Variants in ACYP2 observed in about 807,000 individuals in gnomAD.
The protein encoded by ACYP2 is acylphosphatase 2.
In ACYP2, 12 loss-of-function variants were observed where a neutral mutation model predicts 11.2. The observed-to-expected ratio is 1.08, with a 90% confidence interval of 0.69 to 1.74. The LOEUF is 1.74. ACYP2 is among the 40% of genes most tolerant of loss of function. The pLI, the probability that ACYP2 is intolerant of heterozygous loss-of-function variation, is 0.00. For synonymous variants in ACYP2, 43 were observed against 32.2 expected (o/e 1.33, Z -1.13); for missense variants, 134 against 101.9 (o/e 1.31, Z -1.35).
At chr2:54,126,479 C>T (rs1680513497) in intron 4 of ACYP2, among the ~76,000 whole-genome samples, 1 of 149,084 alleles carries the variant, frequency 6.7e-6, no homozygotes, top group Non-Finnish European at 1.5e-5. Flanking sequence ...TTATCTTTCA[C>T]AAATGTACGT....
At chr2:54,138,311 C>T (rs569925542) in intron 5 of ACYP2, among the ~76,000 whole-genome samples, 1 of 152,218 alleles carries the variant, frequency 6.6e-6, no homozygotes, top group South Asian at 2.1e-4. Context: ...TTAGTGTTAG[C>T]AGTCTTAAGG....
intron 2 of ACYP2, among the ~76,000 whole-genome samples, chr2:54,007,200 G>A (rs1452368183): frequency 3.6e-5 from 5 of 139,318 alleles, no homozygotes; most frequent in African/African-American, 1.0e-4. Context: ...AAGAAACTAC[G>A]CCTACATTTT....
chr2:53,974,771 T>G (rs1334857535), intron 2 of ACYP2, among the ~76,000 whole-genome samples: 1 of 152,236 alleles, frequency 6.6e-6, no homozygotes, highest in Non-Finnish European at 1.5e-5. Flanking sequence ...ATTGAGCATT[T>G]CTGTCTGCCA....
intron 6 of ACYP2, among the ~76,000 whole-genome samples, chr2:54,162,423 T>G (rs1682760691): frequency 6.6e-6 from 1 of 152,198 alleles, no homozygotes. Context: ...CTATTGGAAG[T>G]GCACTTGGAG....
intron 4 of ACYP2, among the ~76,000 whole-genome samples, chr2:54,090,165 C>G (rs994303863): frequency 5.3e-5 from 8 of 151,830 alleles, no homozygotes; most frequent in Admixed American, 1.3e-4. Context: ...AAAAGTTTGC[C>G]CATGTGTTCT....
intron 2 of ACYP2, among the ~76,000 whole-genome samples, chr2:53,989,761 T>G (rs2071100100): frequency 6.6e-6 from 1 of 152,192 alleles, no homozygotes. Context: ...AGCTCTAGTA[T>G]TAGCAGTTTG....
chr2:54,206,876 T>G lies in ACYP2; in HGVS notation c.404+68128T>G, dbSNP rs903401692. ...GGCTTTTTGAGTGATTTGAAAACTTTGTAAATTTGATGGTAGCCAATGTTT... is the reference window on the plus strand; with the variant it reads ...GGCTTTTTGAGTGATTTGAAAACTTGGTAAATTTGATGGTAGCCAATGTTT... On this transcript the variant is annotated intron_variant, in intron 6 of 6. Coordinates refer to ENST00000607452, the MANE Select transcript of ACYP2 (RefSeq NM_001320586.2). Among the ~76,000 whole-genome samples the G allele has an allele frequency of 2.6e-5, 4 of 152,220 alleles. No individual in the cohort carries two copies. In the South Asian group the frequency reaches 8.3e-4, roughly 31 times the overall value.
intron 6 of ACYP2, among the ~76,000 whole-genome samples, chr2:54,219,815 G>GTATATA (rs1558622053): frequency 9.0e-6 from 1 of 111,044 alleles, no homozygotes. Flanking sequence ...GTGTGTTTGT[G>GTATATA]TATGTGTGTG....
At chr2:54,233,840 TAAAAAG>T (rs998310285) in intron 6 of ACYP2, among the ~76,000 whole-genome samples, 71 of 152,274 alleles carry the variant, frequency 4.7e-4, no homozygotes, top group African/African-American at 1.4e-3. Flanking sequence ...AATTAAAAGA[TAAAAAG>T]AAAAAATATA....
At chr2:54,120,559 A>T (rs1680088437) in intron 4 of ACYP2, among the ~76,000 whole-genome samples, 1 of 152,136 alleles carries the variant, frequency 6.6e-6, no homozygotes, top group South Asian at 2.1e-4. Flanking sequence ...AGCTTATTTG[A>T]CTACTGATGA....
intron 6 of ACYP2, among the ~76,000 whole-genome samples, chr2:54,237,940 C>T (rs758674215): frequency 1.3e-5 from 2 of 152,152 alleles, no homozygotes; most frequent in Non-Finnish European, 2.9e-5. Flanking sequence ...CTGCCGTACT[C>T]TCGTTACTCG....
At chr2:54,185,266 C>G (rs1683928816) in intron 6 of ACYP2, among the ~76,000 whole-genome samples, 1 of 152,176 alleles carries the variant, frequency 6.6e-6, no homozygotes, top group East Asian at 1.9e-4. Flanking sequence ...GTAGCTTTTA[C>G]TCTTCTGCCA....
At chr2:54,222,721 G>C (rs843758) in intron 6 of ACYP2, among the ~76,000 whole-genome samples, 49,010 of 151,862 alleles carry the variant, frequency 0.32, 8,430 homozygotes, top group African/African-American at 0.45. Flanking sequence ...GTGAAAGTCT[G>C]AAGCTGTCCG....
At chr2:54,084,523 C>G (rs1162386882) in intron 4 of ACYP2, 2 of 152,222 alleles carry the variant, frequency 1.3e-5, no homozygotes, top group Admixed American at 1.3e-4. Flanking sequence ...AACTCCTGAC[C>G]TCAAGTGATC....
intron 4 of ACYP2, chr2:54,123,440 T>C (rs1281182996): frequency 1.5e-5 from 6 of 398,520 alleles, no homozygotes; most frequent in Non-Finnish European, 2.7e-5. Context: ...AGTCCTGTTT[T>C]CTGCTTTCCT....
At chr2:54,192,009 C>T (rs1298297559) in intron 6 of ACYP2, among the ~76,000 whole-genome samples, 3 of 152,080 alleles carry the variant, frequency 2.0e-5, no homozygotes, top group Admixed American at 2.0e-4. Flanking sequence ...GTAATGTTTC[C>T]TTCTTCAGTA....
chr2:54,255,973 G>A lies in ACYP2; in HGVS notation c.405-48715G>A, dbSNP rs6743719. On this transcript the variant is annotated intron_variant, in intron 6 of 6. Transcript: ENST00000607452. ...GCCACCATCTGCGGGATCCTGGGGC[G>A]CGACCCCCTCCTCTGGAAGCCGGGG... 3.5e-3 allele frequency: 5,629 copies of A among 1,614,050 alleles called. 160 individuals are homozygous for A. In the African/African-American group the frequency reaches 0.063, roughly 18 times the overall value.
At chr2:54,072,547 C>T (rs62140997) in intron 4 of ACYP2, among the ~76,000 whole-genome samples, 2 of 65,694 alleles carry the variant, frequency 3.0e-5, no homozygotes, top group Non-Finnish European at 3.4e-5. Context: ...TCCTTCCTTC[C>T]TTCATTATTT....
chr2:54,288,321 T>C (rs991124500), intron 6 of ACYP2, among the ~76,000 whole-genome samples: 11 of 151,896 alleles, frequency 7.2e-5, no homozygotes, highest in Non-Finnish European at 1.6e-4. Context: ...AAAAGAAAAC[T>C]ATAGCCTCAT....
Sources: allele counts gnomAD v4.1 joint callset (sites outside exome capture counted in the v4.1 genomes callset), GRCh38; gene constraint gnomAD v4.1.1; transcripts MANE v1.5; gene names NCBI Gene and HGNC (gene_info 2026-07-23, HGNC 2026-07-21).